SAMMSON: variants seen among roughly 807,000 people sequenced by gnomAD.
The protein encoded by SAMMSON is survival associated mitochondrial melanoma specific oncogenic non-coding RNA.
At chr3:70,275,566 C>A (rs533109180) in intron 6 of SAMMSON, among the ~76,000 whole-genome samples, 1 of 152,184 alleles carries the variant, frequency 6.6e-6, no homozygotes, top group East Asian at 1.9e-4. Flanking sequence ...GAATTCAGTC[C>A]TTGGGACTGC....
intron 4 of SAMMSON, among the ~76,000 whole-genome samples, chr3:70,194,793 G>A (rs952879183): frequency 6.6e-6 from 1 of 152,088 alleles, no homozygotes; most frequent in African/African-American, 2.4e-5. Context: ...CACCAATATG[G>A]CATGGCCTCA....
chr3:70,300,204 C>T (rs1201510764), intron 7 of SAMMSON, among the ~76,000 whole-genome samples: 1 of 151,936 alleles, frequency 6.6e-6, no homozygotes, highest in East Asian at 1.9e-4. Flanking sequence ...GCTATTGTAC[C>T]TCAAATATAG....
chr3:70,331,325 G>T (rs547013680), intron 7 of SAMMSON, among the ~76,000 whole-genome samples: 12 of 152,256 alleles, frequency 7.9e-5, no homozygotes, highest in African/African-American at 2.9e-4. Flanking sequence ...ATGAGCTACT[G>T]GTGTATCGCT....
At chr3:70,050,725 C>T (rs1039979380) in intron 3 of SAMMSON, among the ~76,000 whole-genome samples, 1 of 151,878 alleles carries the variant, frequency 6.6e-6, no homozygotes, top group African/African-American at 2.4e-5. Flanking sequence ...TTGGTTGACT[C>T]GAAATCCAGA....
chr3:70,430,195 G>A (rs1372899151), intron 2 of SAMMSON, among the ~76,000 whole-genome samples: 12 of 152,022 alleles, frequency 7.9e-5, no homozygotes, highest in East Asian at 3.9e-4. Flanking sequence ...GAATTTGATC[G>A]AAGGCCTTTT....
chr3:70,168,211 G>T (rs1223698436), intron 4 of SAMMSON, among the ~76,000 whole-genome samples: 1 of 148,322 alleles, frequency 6.7e-6, no homozygotes, highest in East Asian at 2.1e-4. Context: ...ACGCAGGCTA[G>T]TGACCTTCAG....
In SAMMSON at chr3:70,108,423, C is replaced by CTTTTTTTTTTTTTTTTTTTTTTTT. The variant is rs61561713; in HGVS notation, n.507+36876_507+36877insTTTTTTTTTTTTTTTTTTTTTTTT. Reference sequence around the variant, plus strand: ...TAGTGTTTCTCAACTCTTGCGGTTCCTTTTTTTTTTTTTTTTTTATCATAA... The same window carrying CTTTTTTTTTTTTTTTTTTTTTTTT: ...TAGTGTTTCTCAACTCTTGCGGTTCCTTTTTTTTTTTTTTTTTTTTTTTTTTTTTTTTTTTTTTTTTTATCATAA... On this transcript the variant is annotated intron_variant and non_coding_transcript_variant, in intron 4 of 9. Transcript: ENST00000642114. Among the ~76,000 whole-genome samples the CTTTTTTTTTTTTTTTTTTTTTTTT allele has an allele frequency of 1.0e-3, 90 of 89,316 alleles. 14 individuals are homozygous for CTTTTTTTTTTTTTTTTTTTTTTTT. The highest frequency in any genetic ancestry group is 3.2e-3 in the East Asian group (6 of 1,850). 58.6% of individuals were successfully genotyped at this position (89,316 alleles called of 152,430 possible).
intron 2 of SAMMSON, among the ~76,000 whole-genome samples, chr3:70,413,286 T>G (rs1485493999): frequency 6.6e-6 from 1 of 152,160 alleles, no homozygotes. Context: ...CAAGCTGAAC[T>G]CTCTATTGCC....
At chr3:70,317,413 T>C (rs1052950156) in intron 7 of SAMMSON, among the ~76,000 whole-genome samples, 4 of 151,888 alleles carry the variant, frequency 2.6e-5, no homozygotes, top group African/African-American at 9.7e-5. Flanking sequence ...ATAAGTACAA[T>C]TTTTTTAGAC....
At chr3:70,004,912 C>T (rs1258140668) in intron 1 of SAMMSON, among the ~76,000 whole-genome samples, 1 of 152,194 alleles carries the variant, frequency 6.6e-6, no homozygotes, top group Admixed American at 6.5e-5. Flanking sequence ...AAATGACCCA[C>T]TTAGCCACTT....
At chr3:70,226,897 G>C (rs552386156) in intron 4 of SAMMSON, among the ~76,000 whole-genome samples, 1 of 152,136 alleles carries the variant, frequency 6.6e-6, no homozygotes, top group Admixed American at 6.6e-5. Context: ...AAGAGGGACT[G>C]GTGGGAATTC....
chr3:70,303,404 A>AG (rs1269369463), intron 7 of SAMMSON, among the ~76,000 whole-genome samples: 1 of 152,128 alleles, frequency 6.6e-6, no homozygotes, highest in Non-Finnish European at 1.5e-5. Flanking sequence ...GGAGAATAGG[A>AG]GGAAAAAAAA....
At chr3:70,304,933 A>T (rs998797825) in intron 7 of SAMMSON, among the ~76,000 whole-genome samples, 2 of 150,606 alleles carry the variant, frequency 1.3e-5, no homozygotes, top group Non-Finnish European at 3.0e-5. Context: ...CTTCCTTTCT[A>T]TCCAGCTACT....
intron 4 of SAMMSON, among the ~76,000 whole-genome samples, chr3:70,140,825 C>A (rs1245237108): frequency 6.6e-6 from 1 of 152,144 alleles, no homozygotes; most frequent in African/African-American, 2.4e-5. Context: ...ATAACATGTT[C>A]CTCTTCCTCA....
chr3:70,201,251 T>C (rs1294674044), intron 4 of SAMMSON, among the ~76,000 whole-genome samples: 2 of 152,244 alleles, frequency 1.3e-5, no homozygotes, highest in South Asian at 4.1e-4. Context: ...TCTGTGTTTA[T>C]GTGTTCTCAT....
intron 6 of SAMMSON, among the ~76,000 whole-genome samples, chr3:70,262,159 A>G (rs1022847170): frequency 2.6e-5 from 4 of 152,182 alleles, no homozygotes; most frequent in Non-Finnish European, 2.9e-5. Context: ...CGGTAACAAT[A>G]CTTTCAATAG....
At chr3:70,250,997 TA>T (rs1234553191) in intron 6 of SAMMSON, among the ~76,000 whole-genome samples, 1 of 152,224 alleles carries the variant, frequency 6.6e-6, no homozygotes, top group Non-Finnish European at 1.5e-5. Flanking sequence ...TTAAAAGTAA[TA>T]TTTTGTGAAA....
chr3:70,346,655 C>T (rs1199303637), intron 7 of SAMMSON, among the ~76,000 whole-genome samples: 3 of 152,114 alleles, frequency 2.0e-5, no homozygotes, highest in African/African-American at 7.2e-5. Context: ...GATGTTCTAA[C>T]TCTTTCTGAG....
intron 1 of SAMMSON, among the ~76,000 whole-genome samples, chr3:70,006,854 G>A (rs745957989): frequency 3.7e-5 from 5 of 135,332 alleles, no homozygotes; most frequent in Non-Finnish European, 7.6e-5. Flanking sequence ...GTGTCCATGT[G>A]CTCTCATTGT....
Sources: allele counts gnomAD v4.1 joint callset (sites outside exome capture counted in the v4.1 genomes callset), GRCh38; gene constraint gnomAD v4.1.1; transcripts MANE v1.5; gene names NCBI Gene and HGNC (gene_info 2026-07-23, HGNC 2026-07-21).